DMD: variants seen among roughly 807,000 people sequenced by gnomAD.
DMD encodes dystrophin, also known as mutant dystrophin.
A neutral mutation model predicts 330.1 loss-of-function variants in DMD; 63 were observed. That is an observed-to-expected ratio of 0.19 (90% CI 0.16 to 0.24). The LOEUF is 0.24. Among genes scored for constraint, DMD ranks in the 10% least tolerant of loss-of-function variants. The pLI, the probability that DMD is intolerant of heterozygous loss-of-function variation, is 1.00. For missense variants in DMD, 3,344 were observed against 2,684.1 expected (o/e 1.25, Z -5.43); for synonymous variants, 1,223 against 959.8 (o/e 1.27, Z -5.07).
chrX:32,630,181 A>T (rs1415419755), intron 11 of DMD, among the ~76,000 whole-genome samples: 5 of 111,837 alleles, frequency 4.5e-5, no homozygotes, highest in African/African-American at 1.6e-4. Flanking sequence ...TCCTTCAAGT[A>T]TGAAGAGGAT....
At chrX:32,655,726 G>T in intron 9 of DMD, among the ~76,000 whole-genome samples, 1 of 111,521 alleles carries the variant, frequency 9.0e-6, no homozygotes. Flanking sequence ...TCTGTCTAAT[G>T]TTGTCAGTGG....
chrX:32,597,337 G>C (rs1055093521), intron 12 of DMD, among the ~76,000 whole-genome samples: 5 of 111,629 alleles, frequency 4.5e-5, no homozygotes, highest in Non-Finnish European at 9.4e-5. Flanking sequence ...CACTAGAACA[G>C]AGATGCCCTC....
chrX:32,334,588 T>C (rs999206909), intron 41 of DMD, among the ~76,000 whole-genome samples: 4 of 111,876 alleles, frequency 3.6e-5, no homozygotes, highest in Non-Finnish European at 7.5e-5. Flanking sequence ...AGTTCTGTTA[T>C]TACTTTTCTT....
chrX:32,958,306 C>T (rs921496264), intron 2 of DMD, among the ~76,000 whole-genome samples: 4 of 111,376 alleles, frequency 3.6e-5, no homozygotes, highest in Middle Eastern at 4.3e-3. Context: ...AAAGATAAAT[C>T]GTTTCTTCAA....
In DMD at chrX:31,232,858, C is replaced by G. The variant is rs528538164; in HGVS notation, c.9287-9737G>C. Among the ~76,000 whole-genome samples the G allele has an allele frequency of 3.6e-5, 4 of 112,004 alleles. No individual in the cohort carries two copies. The South Asian group carries it at 1.5e-3, about 42-fold the overall frequency. The stretch of plus-strand genomic sequence containing the variant: ...CTCTGCATCCTGAAAGAAAGTAAAT[C>G]TTCAAATTCATTTCCTTCATTTCCT... On this transcript the variant is annotated intron_variant, in intron 63 of 78. Transcript: ENST00000357033.
At chrX:31,167,045 G>T (rs760312471) in intron 74 of DMD, among the ~76,000 whole-genome samples, 1 of 111,771 alleles carries the variant, frequency 8.9e-6, no homozygotes, top group Non-Finnish European at 1.9e-5. Context: ...GGTTTATTCC[G>T]GGACACTCAG....
intron 25 of DMD, among the ~76,000 whole-genome samples, chrX:32,458,202 C>A (rs901811229): frequency 2.2e-4 from 24 of 110,804 alleles, no homozygotes; most frequent in Non-Finnish European, 9.5e-5. Flanking sequence ...GATCTCAGAG[C>A]TTCTGGTCTT....
At chrX:31,323,727 T>C in intron 61 of DMD, 69 bp from the exon 62 acceptor site, 1 of 957,000 alleles carries the variant, frequency 1.0e-6, no homozygotes, top group South Asian at 2.0e-5. Flanking sequence ...AAGACAACAT[T>C]AATCTCCAGA....
At chrX:32,706,087 G>A (rs1307045921) in intron 7 of DMD, among the ~76,000 whole-genome samples, 2 of 107,478 alleles carry the variant, frequency 1.9e-5, no homozygotes, top group Non-Finnish European at 3.8e-5. Flanking sequence ...GGACATGGAT[G>A]AAGCTGGAAA....
chrX:32,323,944 T>C (rs1411965831), intron 41 of DMD, among the ~76,000 whole-genome samples: 2 of 111,083 alleles, frequency 1.8e-5, no homozygotes, highest in African/African-American at 6.6e-5. Context: ...CAAGCACGTA[T>C]TGGTAAGAAT....
chrX:32,128,697 A>G (rs2096673298), intron 44 of DMD, among the ~76,000 whole-genome samples: 1 of 112,085 alleles, frequency 8.9e-6, no homozygotes, highest in African/African-American at 3.2e-5. Flanking sequence ...TAGGCTTTAA[A>G]GCCTATGGGT....
At chrX:31,386,984 G>T (rs887871829) in intron 60 of DMD, among the ~76,000 whole-genome samples, 2 of 111,593 alleles carry the variant, frequency 1.8e-5, no homozygotes, top group African/African-American at 6.5e-5. Context: ...TAATGTTTGG[G>T]CCAACAGGTT....
intron 1 of DMD, among the ~76,000 whole-genome samples, chrX:33,170,793 G>A (rs1049834967): frequency 8.9e-6 from 1 of 111,759 alleles, no homozygotes; most frequent in Non-Finnish European, 1.9e-5. Context: ...CAATATGGAT[G>A]TGATTTCTGT....
chrX:32,769,006 T>TG (rs1174892770), intron 7 of DMD, among the ~76,000 whole-genome samples: 12 of 111,827 alleles, frequency 1.1e-4, no homozygotes, highest in Non-Finnish European at 1.9e-4. Context: ...GAAGTCACTG[T>TG]GGCTTTTCTG....
intron 2 of DMD, among the ~76,000 whole-genome samples, chrX:32,890,280 C>A (rs929281941): frequency 2.4e-4 from 27 of 111,525 alleles, no homozygotes; most frequent in African/African-American, 8.2e-4. Context: ...TTGTGGACTG[C>A]TTTATATGTT....
rs41303181 is a variant in DMD, at chrX:32,390,194, T to C, written c.4234-13A>G. On this transcript the variant is annotated splice_polypyrimidine_tract_variant and intron_variant, in intron 30 of 78. Coordinates refer to ENST00000357033, the MANE Select transcript of DMD (RefSeq NM_004006.3). ...CAGATTGGATTTTCTGTTGGGAGGA[T>C]AGCATTATTAGTCAGCATGCTCTAC... is the stretch of plus-strand genomic sequence containing the variant. 0.07 allele frequency: 78,573 copies of C among 1,117,038 alleles called. 2,092 individuals carry two copies. Among genetic ancestry groups the C allele is most frequent in the Non-Finnish European group, 0.078 (63,016 of 811,514 alleles). 92.1% of individuals were successfully genotyped at this position (1,117,038 alleles called of 1,213,427 possible).
rs2040542875 is a variant in DMD, at chrX:31,176,710, A to C, written c.10262+1222T>G. 9.9e-5 allele frequency among the ~76,000 whole-genome samples: 11 copies of C among 111,565 alleles called. No homozygotes were observed. The Admixed American group carries it at 1.0e-3, about 11-fold the overall frequency. ...AGGAAACACAATTTCCAAGAGGCAG[A>C]GGACATAACTGAACCTAAATAACTC... is the stretch of plus-strand genomic sequence containing the variant. On this transcript the variant is annotated intron_variant, in intron 71 of 78. Coordinates refer to ENST00000357033, the MANE Select transcript of DMD (RefSeq NM_004006.3).
intron 47 of DMD, among the ~76,000 whole-genome samples, chrX:31,894,277 C>T (rs148732389): frequency 1.7e-4 from 19 of 112,092 alleles, no homozygotes; most frequent in East Asian, 1.1e-3. Flanking sequence ...CCTCCAAAGC[C>T]GGGACTCCTG....
chrX:32,402,302 A>C (rs1469085367), intron 30 of DMD, among the ~76,000 whole-genome samples: 1 of 111,682 alleles, frequency 9.0e-6, no homozygotes, highest in Admixed American at 9.6e-5. Flanking sequence ...AGTAATTGAT[A>C]TATTCTCTAT....
Sources: gnomAD v4.1 joint callset for allele counts (sites outside exome capture counted in the v4.1 genomes callset) on GRCh38, gnomAD v4.1.1 for gene constraint, MANE v1.5 for transcripts, NCBI Gene and HGNC (gene_info 2026-07-23, HGNC 2026-07-21) for gene names.